TIGD5: variants seen among roughly 807,000 people sequenced by gnomAD.
TIGD5 encodes the protein tigger transposable element-derived protein 5.
TIGD5 carries 24 observed loss-of-function variants against 28.8 expected under a neutral mutation model. The ratio of observed to expected loss-of-function variants is 0.83; its 90% CI spans 0.60 to 1.17. TIGD5 has a LOEUF of 1.17. Among genes scored for constraint, TIGD5 ranks in the 50% most tolerant of loss-of-function variants. TIGD5 has a pLI of 0.00. For missense variants in TIGD5, 922 were observed against 911.4 expected (o/e 1.01, Z -0.15); for synonymous variants, 538 against 430.5 (o/e 1.25, Z -3.09).
rs1005122418 is a variant in TIGD5, at chr8:143,598,545, C to G, written c.642C>G (p.Gly214=). 3.1e-6 allele frequency: 4 copies of G among 1,307,886 alleles called. No homozygotes were observed. The East Asian group carries it at 1.3e-4, about 42-fold the overall frequency. 81.0% of individuals were successfully genotyped at this position (1,307,886 alleles called of 1,614,324 possible). A position where few individuals can be genotyped will look rare whatever the true frequency, so the allele number is the denominator to read the frequency against. ...KEEPALPSGA[G]PLPDRAPAPP... is the part of the protein sequence containing the mutation. Reference sequence around the variant, plus strand: ...AGCCCGCGCTGCCCTCCGGCGCCGGCCCCCTGCCCGACCGCGCCCCGGCCC... The same window carrying G: ...AGCCCGCGCTGCCCTCCGGCGCCGGGCCCCTGCCCGACCGCGCCCCGGCCC... The change falls in exon 1 of 1, where the codon GGC becomes GGG. Residue 214 remains glycine (G), a synonymous_variant. Transcript: ENST00000504548. This position sits in a 1 kb window ranked among gnomAD's most constrained non-coding sequence, Gnocchi z 6.6.
In TIGD5 at chr8:143,599,857, C is replaced by G. The variant is rs767478896; in HGVS notation, c.*25C>G. ...ACCAGGCCAGCCCAGTGACCTTTCTCCTGCTGCACTTGGAGGGAGGGGACA... is the reference window on the plus strand; with the variant it reads ...ACCAGGCCAGCCCAGTGACCTTTCTGCTGCTGCACTTGGAGGGAGGGGACA... On this transcript the variant is annotated 3_prime_UTR_variant, in exon 1 of 1. Coordinates refer to ENST00000504548, the MANE Select transcript of TIGD5 (RefSeq NM_032862.5). 1 of 1,447,370 alleles carries G rather than the reference C, an allele frequency of 6.9e-7. No homozygotes were observed. The highest frequency in any genetic ancestry group is 1.6e-5 in the South Asian group (1 of 64,016). 89.7% of individuals were successfully genotyped at this position (1,447,370 alleles called of 1,614,324 possible).
chr8:143,597,892 C>T lies in TIGD5; in HGVS notation c.-12C>T, dbSNP rs1394699148. The T allele has an allele frequency of 2.3e-6, 2 of 855,600 alleles. No homozygotes were observed. The highest frequency in any genetic ancestry group is 2.8e-6 in the Non-Finnish European group (2 of 714,054). The allele number at this position is 855,600 out of a possible 1,614,324, so 53.0% of individuals were successfully genotyped here. On this transcript the variant is annotated 5_prime_UTR_variant, in exon 1 of 1. Coordinates refer to ENST00000504548, the MANE Select transcript of TIGD5 (RefSeq NM_032862.5). ...CGCGACCCGCGCGGCCCGGGTCCCC[C>T]CCGCCGCAGCCATGTACCCCGCGGG...
rs1200559588 is a variant in TIGD5, at chr8:143,599,703, G to A, written c.1800G>A (p.Arg600=). ...TGCGGGGGCTAGAAACAGCTCTGCG[G>A]TGGCTGGAGAACCAGGACCCCAGAG... is the stretch of plus-strand genomic sequence containing the variant. ...EAVRGLETAL[R]WLENQDPREV... The change falls in exon 1 of 1, where the codon CGG becomes CGA. Residue 600 remains arginine, a synonymous_variant. Transcript: ENST00000504548. 14 of 1,512,420 alleles carry A rather than the reference G, an allele frequency of 9.3e-6. No individual in the cohort carries two copies. Among genetic ancestry groups the A allele is most frequent in the Non-Finnish European group, 1.2e-5 (14 of 1,136,450 alleles). 93.7% of individuals were successfully genotyped at this position (1,512,420 alleles called of 1,614,324 possible). A position where few individuals can be genotyped will look rare whatever the true frequency, so the allele number is the denominator to read the frequency against.
In TIGD5 at chr8:143,598,029, G is replaced by C; in HGVS notation, c.126G>C (p.Pro42=). 1 of 1,312,032 alleles carries C rather than the reference G, an allele frequency of 7.6e-7. No individual in the cohort carries two copies. Among genetic ancestry groups the C allele is most frequent in the Non-Finnish European group, 9.7e-7 (1 of 1,032,170 alleles). 81.3% of individuals were successfully genotyped at this position (1,312,032 alleles called of 1,614,324 possible). The change falls in exon 1 of 1, where the codon CCG becomes CCC. Residue 42 remains proline, a synonymous_variant. Transcript: ENST00000504548. The surrounding 1 kb of genome is among the most constrained non-coding windows in gnomAD (Gnocchi z 6.6). ...GGCCGCCGCCCCCCGCGCCCGGGCC[G>C]CGGCCCCGCGTGGCCGTGAAGATGG... The part of the protein sequence containing the change: ...AARPPPPAPG[P]RPRVAVKMAF...
chr8:143,599,327 G>A lies in TIGD5; in HGVS notation c.1424G>A (p.Arg475His). ...CTGGTGCAGGCGGGCAGCATTGAGC[G>A]CTGCTGGCTGCTGGGCCTGCGGGCT... Reference protein sequence around the residue: ...WDLVQAGSIERCWLLGLRAAF... With the variant: ...WDLVQAGSIEHCWLLGLRAAF... The change falls in exon 1 of 1, where the codon CGC (arginine) becomes CAC (histidine). Residue 475 changes from arginine (R) to histidine (H), a missense_variant. By Grantham distance (29) the Arg-to-His change is conservative. Transcript: ENST00000504548. 6.3e-7 allele frequency: 1 copy of A among 1,596,330 alleles called. No individual in the cohort carries two copies. Among genetic ancestry groups the A allele is most frequent in the Non-Finnish European group, 8.5e-7 (1 of 1,172,546 alleles).
chr8:143,601,592 C>T lies in TIGD5; in HGVS notation c.*1760C>T, dbSNP rs1829263705. On this transcript the variant is annotated 3_prime_UTR_variant, in exon 1 of 1. Coordinates refer to ENST00000504548, the MANE Select transcript of TIGD5 (RefSeq NM_032862.5). ...TAGTCTGGGCGGCCCGTGGCGCTGC[C>T]CTTCAGCCCAACTACTCATTGCCGC... 6.6e-6 allele frequency: 1 copy of T among 152,294 alleles called. No individual in the cohort carries two copies. Among genetic ancestry groups the T allele is most frequent in the African/African-American group, 2.4e-5 (1 of 41,472 alleles). 9.4% of individuals were successfully genotyped at this position (152,294 alleles called of 1,614,324 possible). A position where few individuals can be genotyped will look rare whatever the true frequency, so the allele number is the denominator to read the frequency against.
rs533935545 is a variant in TIGD5, at chr8:143,602,518, T to G, written c.*2686T>G. The G allele has an allele frequency of 6.6e-6, 1 of 152,394 alleles. No individual in the cohort carries two copies. Among genetic ancestry groups the G allele is most frequent in the South Asian group, 2.1e-4 (1 of 4,840 alleles). 9.4% of individuals were successfully genotyped at this position (152,394 alleles called of 1,614,324 possible). On this transcript the variant is annotated 3_prime_UTR_variant, in exon 1 of 1. Coordinates refer to ENST00000504548, the MANE Select transcript of TIGD5 (RefSeq NM_032862.5). ...GAGGCCAAGTGTTCTTTCCCAAAGC[T>G]GCGCGGGTGCCATCGCCTGCCAGGC...
Position 143,598,136 on chromosome 8 carries a change from G to A in TIGD5, c.233G>A (p.Cys78Tyr). 3 of 1,589,766 alleles carry A rather than the reference G, an allele frequency of 1.9e-6. No individual in the cohort carries two copies. The highest frequency in any genetic ancestry group is 2.6e-6 in the Non-Finnish European group (3 of 1,170,126). The change falls in exon 1 of 1, where the codon TGC becomes TAC. Residue 78 changes from cysteine to tyrosine, a missense_variant. Coordinates refer to ENST00000504548, the MANE Select transcript of TIGD5 (RefSeq NM_032862.5). The surrounding 1 kb of genome is among the most constrained non-coding windows in gnomAD (Gnocchi z 6.6). ...VKGGERQASVCRDFGVPGGTL... is the reference protein window; with the variant it reads ...VKGGERQASVYRDFGVPGGTL... ...GGCGGCGAGCGGCAGGCCAGTGTGT[G>A]CCGCGACTTCGGCGTGCCGGGCGGG...
chr8:143,598,241 G>T lies in TIGD5; in HGVS notation c.338G>T (p.Arg113Leu). ...EQLGGEVGTQ[R>L]KKMRLANEEE... ...CTGGGCGGTGAGGTGGGCACTCAGCGCAAGAAGATGCGGCTGGCCAACGAG... is the reference window on the plus strand; with the variant it reads ...CTGGGCGGTGAGGTGGGCACTCAGCTCAAGAAGATGCGGCTGGCCAACGAG... Residue 113 changes from arginine to leucine, a missense_variant, in exon 1 of 1, where the codon CGC (arginine) becomes CTC (leucine). Coordinates refer to ENST00000504548, the MANE Select transcript of TIGD5 (RefSeq NM_032862.5). This position sits in a 1 kb window ranked among gnomAD's most constrained non-coding sequence, Gnocchi z 6.6. The T allele has an allele frequency of 6.2e-7, 1 of 1,609,094 alleles. No individual in the cohort carries two copies. The highest frequency in any genetic ancestry group is 8.5e-7 in the Non-Finnish European group (1 of 1,178,454).
chr8:143,599,685 G>A lies in TIGD5; in HGVS notation c.1782G>A (p.Gly594=). 6.6e-7 allele frequency: 1 copy of A among 1,517,686 alleles called. No homozygotes were observed. The highest frequency in any genetic ancestry group is 8.8e-7 in the Non-Finnish European group (1 of 1,137,980). 94.0% of individuals were successfully genotyped at this position (1,517,686 alleles called of 1,614,324 possible). A position where few individuals can be genotyped will look rare whatever the true frequency, so the allele number is the denominator to read the frequency against. The stretch of plus-strand genomic sequence containing the variant: ...CGACTGCCGGGGAGGCCGTGCGGGG[G>A]CTAGAAACAGCTCTGCGGTGGCTGG... ...SVPTAGEAVR[G]LETALRWLEN... is the part of the protein sequence containing the mutation. The change falls in exon 1 of 1, where the codon GGG becomes GGA. Residue 594 remains glycine, a synonymous_variant. Coordinates refer to ENST00000504548, the MANE Select transcript of TIGD5 (RefSeq NM_032862.5).
At position 143,599,224 on chromosome 8, in the gene TIGD5, G is replaced by A. The variant is rs574663164; in HGVS notation, c.1321G>A (p.Ala441Thr). The A allele has an allele frequency of 5.6e-6, 9 of 1,611,558 alleles. No individual in the cohort carries two copies. Among genetic ancestry groups the A allele is most frequent in the East Asian group, 4.5e-5 (2 of 44,878 alleles). ...GCTGCTGCGACTGGCTGTGTCCTGC[G>A]CCAGCGGCTCCCCGCTGGACTTCAT... ...RELLRLAVSCASGSPLDFMRS... is the reference protein window; with the variant it reads ...RELLRLAVSCTSGSPLDFMRS... Residue 441 changes from alanine (A) to threonine (T), a missense_variant, in exon 1 of 1, where the codon GCC (alanine) becomes ACC (threonine). Physicochemically the swap from Ala to Thr is moderately conservative, Grantham distance 58 (BLOSUM62 0). Transcript: ENST00000504548.
Position 143,599,860 on chromosome 8 carries a change from G to C in TIGD5, c.*28G>C. On this transcript the variant is annotated 3_prime_UTR_variant, in exon 1 of 1. Coordinates refer to ENST00000504548, the MANE Select transcript of TIGD5 (RefSeq NM_032862.5). Reference sequence around the variant, plus strand: ...AGGCCAGCCCAGTGACCTTTCTCCTGCTGCACTTGGAGGGAGGGGACATAC... The same window carrying C: ...AGGCCAGCCCAGTGACCTTTCTCCTCCTGCACTTGGAGGGAGGGGACATAC... 1 of 1,446,020 alleles carries C rather than the reference G, an allele frequency of 6.9e-7. No homozygotes were observed. Among genetic ancestry groups the C allele is most frequent in the Non-Finnish European group, 9.0e-7 (1 of 1,108,930 alleles). The allele number at this position is 1,446,020 out of a possible 1,614,324, so 89.6% of individuals were successfully genotyped here.
Position 143,599,529 on chromosome 8 carries a change from C to G in TIGD5, c.1626C>G (p.Pro542=). ...ACCTGGACGATGATGGGGGTCCGCCCGAGGGCTGCAGGGAGGAGGTGGGCC... is the reference window on the plus strand; with the variant it reads ...ACCTGGACGATGATGGGGGTCCGCCGGAGGGCTGCAGGGAGGAGGTGGGCC... ...WLHLDDDGGP[P]EGCREEVGPA... The change falls in exon 1 of 1, where the codon CCC becomes CCG. Residue 542 remains proline, a synonymous_variant. Transcript: ENST00000504548. 1.9e-6 allele frequency: 3 copies of G among 1,581,850 alleles called. No homozygotes were observed. Among genetic ancestry groups the G allele is most frequent in the Non-Finnish European group, 2.6e-6 (3 of 1,165,480 alleles).
At position 143,601,661 on chromosome 8, in the gene TIGD5, T is replaced by G. The variant is rs1829265061; in HGVS notation, c.*1829T>G. The G allele has an allele frequency of 6.6e-6, 1 of 152,430 alleles. No individual in the cohort carries two copies. The highest frequency in any genetic ancestry group is 2.4e-5 in the African/African-American group (1 of 41,486). 9.4% of individuals were successfully genotyped at this position (152,430 alleles called of 1,614,324 possible). A position where few individuals can be genotyped will look rare whatever the true frequency, so the allele number is the denominator to read the frequency against. Reference sequence around the variant, plus strand: ...TTCATTTCCAACCTTTCTTCCCATCTCAGCCCTTTTGTTGGCCCGGGTCCC... The same window carrying G: ...TTCATTTCCAACCTTTCTTCCCATCGCAGCCCTTTTGTTGGCCCGGGTCCC... On this transcript the variant is annotated 3_prime_UTR_variant, in exon 1 of 1. Transcript: ENST00000504548.
chr8:143,598,221 C>T lies in TIGD5; in HGVS notation c.318C>T (p.Gly106=), dbSNP rs764501702. 7 of 1,607,182 alleles carry T rather than the reference C, an allele frequency of 4.4e-6. No homozygotes were observed. Among genetic ancestry groups the T allele is most frequent in the Non-Finnish European group, 3.4e-6 (4 of 1,177,672 alleles). ...TGCGCTGGTTCCTGGAGCAGCTGGG[C>T]GGTGAGGTGGGCACTCAGCGCAAGA... The part of the protein sequence containing the change: ...PKLRWFLEQL[G]GEVGTQRKKM... The change falls in exon 1 of 1, where the codon GGC becomes GGT. Residue 106 remains glycine (G), a synonymous_variant. Transcript: ENST00000504548. This position sits in a 1 kb window ranked among gnomAD's most constrained non-coding sequence, Gnocchi z 6.6.
Position 143,598,189 on chromosome 8 carries a change from C to A in TIGD5, c.286C>A (p.Pro96Thr), listed in dbSNP as rs1359318527. 6.2e-7 allele frequency: 1 copy of A among 1,605,186 alleles called. No individual in the cohort carries two copies. Among genetic ancestry groups the A allele is most frequent in the Admixed American group, 1.7e-5 (1 of 59,462 alleles). ...GTLRGWLKDE[P>T]KLRWFLEQLG... The stretch of plus-strand genomic sequence containing the variant: ...GCTGCGCGGCTGGCTCAAGGACGAG[C>A]CCAAGCTGCGCTGGTTCCTGGAGCA... The change falls in exon 1 of 1, where the codon CCC (proline) becomes ACC (threonine). Residue 96 changes from proline to threonine, a missense_variant. Pro to Thr is a conservative substitution (Grantham distance 38). This residue lies in a region of TIGD5 where 821 missense variants were observed against 815.2 expected (regional missense o/e 1.01). Coordinates refer to ENST00000504548, the MANE Select transcript of TIGD5 (RefSeq NM_032862.5). This position sits in a 1 kb window ranked among gnomAD's most constrained non-coding sequence, Gnocchi z 6.6.
chr8:143,598,266 G>C lies in TIGD5; in HGVS notation c.363G>C (p.Glu121Asp). ...GCAAGAAGATGCGGCTGGCCAACGAGGAGGAGATCGACCGCGCCGTGTACG... is the reference window on the plus strand; with the variant it reads ...GCAAGAAGATGCGGCTGGCCAACGACGAGGAGATCGACCGCGCCGTGTACG... ...TQRKKMRLAN[E>D]EEIDRAVYAW... The change falls in exon 1 of 1, where the codon GAG becomes GAC. Residue 121 changes from glutamate (E) to aspartate (D), a missense_variant. By Grantham distance (45) the Glu-to-Asp change is conservative (BLOSUM62 2). This residue lies in a region of TIGD5 where 821 missense variants were observed against 815.2 expected (regional missense o/e 1.01). Transcript: ENST00000504548. The surrounding 1 kb of genome is among the most constrained non-coding windows in gnomAD (Gnocchi z 6.6). 1 of 1,610,040 alleles carries C rather than the reference G, an allele frequency of 6.2e-7. No individual in the cohort carries two copies. Among genetic ancestry groups the C allele is most frequent in the Non-Finnish European group, 8.5e-7 (1 of 1,178,866 alleles).
At position 143,599,702 on chromosome 8, in the gene TIGD5, G is replaced by A. The variant is rs908071235; in HGVS notation, c.1799G>A (p.Arg600Gln). The change falls in exon 1 of 1, where the codon CGG (arginine) becomes CAG (glutamine). Residue 600 changes from arginine to glutamine, a missense_variant. This residue lies in a region of TIGD5 where 821 missense variants were observed against 815.2 expected (regional missense o/e 1.01). Coordinates refer to ENST00000504548, the MANE Select transcript of TIGD5 (RefSeq NM_032862.5). ...EAVRGLETAL[R>Q]WLENQDPREV... is the part of the protein sequence containing the mutation. ...GTGCGGGGGCTAGAAACAGCTCTGC[G>A]GTGGCTGGAGAACCAGGACCCCAGA... is the stretch of plus-strand genomic sequence containing the variant. 4.0e-6 allele frequency: 6 copies of A among 1,512,514 alleles called. No individual in the cohort carries two copies. The Admixed American group carries it at 6.8e-5, about 17-fold the overall frequency. The allele number at this position is 1,512,514 out of a possible 1,614,324, so 93.7% of individuals were successfully genotyped here.
At position 143,597,890 on chromosome 8, in the gene TIGD5, C is replaced by A. The variant is rs1035192311; in HGVS notation, c.-14C>A. The A allele has an allele frequency of 4.7e-6, 4 of 844,468 alleles. No homozygotes were observed. In the East Asian group the frequency reaches 3.7e-4, roughly 79 times the overall value. The allele number at this position is 844,468 out of a possible 1,614,324, so 52.3% of individuals were successfully genotyped here. On this transcript the variant is annotated 5_prime_UTR_variant, in exon 1 of 1. Transcript: ENST00000504548. The stretch of plus-strand genomic sequence containing the variant: ...CCCGCGACCCGCGCGGCCCGGGTCC[C>A]CCCCGCCGCAGCCATGTACCCCGCG...
Sources: gnomAD v4.1 joint callset for allele counts on GRCh38, gnomAD v4.1.1 for gene constraint, gnomAD v4.1.1 regional missense constraint, Gnocchi (gnomAD v3.1) non-coding constraint, MANE v1.5 for transcripts, NCBI Gene and HGNC (gene_info 2026-07-23, HGNC 2026-07-21) for gene names.